AGO2: variants seen among roughly 807,000 people sequenced by gnomAD.
AGO2 encodes the protein protein argonaute-2.
AGO2 carries 5 observed loss-of-function variants against 102.3 expected under a neutral mutation model. That is an observed-to-expected ratio of 0.05 (90% CI 0.03 to 0.10). The LOEUF is 0.10. Among genes scored for constraint, AGO2 ranks in the 10% least tolerant of loss-of-function variants. The probability of loss-of-function intolerance (pLI) is 1.00; values close to 1 mark genes in which losing one functional copy is unlikely to be tolerated. For missense variants in AGO2, 541 were observed against 1,183.7 expected (o/e 0.46, Z 7.97); for synonymous variants, 449 against 473.1 (o/e 0.95, Z 0.66).
intron 1 of AGO2, among the ~76,000 whole-genome samples, chr8:140,608,233 T>C (rs1303906324): frequency 6.6e-6 from 1 of 152,194 alleles, no homozygotes; most frequent in Non-Finnish European, 1.5e-5. Context: ...CTTGGCACTT[T>C]TTACGCTGCC....
Position 140,560,353 on chromosome 8 carries a change from A to G in AGO2, c.655+21T>C, listed in dbSNP as rs375432482. ...CATGCCCAACCCTGCCCTGCAGTGAAGACCCCAGGGCGCTGCTTACCATCA... is the reference window on the plus strand; with the variant it reads ...CATGCCCAACCCTGCCCTGCAGTGAGGACCCCAGGGCGCTGCTTACCATCA... On this transcript the variant is annotated intron_variant, in intron 5 of 18. Transcript: ENST00000220592. 8 of 1,610,240 alleles carry G rather than the reference A, an allele frequency of 5.0e-6. No individual in the cohort carries two copies. In the African/African-American group the frequency reaches 1.1e-4, roughly 22 times the overall value.
At position 140,567,519 on chromosome 8, in the gene AGO2, C is replaced by T. The variant is rs1291606690; in HGVS notation, c.337-4885G>A. Among the ~76,000 whole-genome samples the T allele has an allele frequency of 6.6e-6, 1 of 152,240 alleles. No homozygotes were observed. The highest frequency in any genetic ancestry group is 1.5e-5 in the Non-Finnish European group (1 of 68,038). On this transcript the variant is annotated intron_variant, in intron 3 of 18. Transcript: ENST00000220592. The surrounding 1 kb of genome is among the most constrained non-coding windows in gnomAD (Gnocchi z 5.0). ...CAGGTGGCTCCGTTGGCTTCCTGCACACAAGGGGACAAGCAGGTGGCCCCG... is the reference window on the plus strand; with the variant it reads ...CAGGTGGCTCCGTTGGCTTCCTGCATACAAGGGGACAAGCAGGTGGCCCCG...
Position 140,573,006 on chromosome 8 carries a change from G to A in AGO2, c.216-74C>T, listed in dbSNP as rs535182882. ...TGGCATACAAGGACATTTTTCTGAC[G>A]CTATTTTTTTTTTTTTTTTTGAGAT... On this transcript the variant is annotated intron_variant, in intron 2 of 18. Transcript: ENST00000220592. The A allele has an allele frequency of 6.8e-5, 100 of 1,467,736 alleles. No individual in the cohort carries two copies. In the South Asian group the frequency reaches 9.8e-4, roughly 14 times the overall value. The allele number at this position is 1,467,736 out of a possible 1,614,324, so 90.9% of individuals were successfully genotyped here. A position where few individuals can be genotyped will look rare whatever the true frequency, so the allele number is the denominator to read the frequency against.
chr8:140,616,902 G>A (rs765379459), intron 1 of AGO2, among the ~76,000 whole-genome samples: 8 of 152,218 alleles, frequency 5.3e-5, no homozygotes, highest in East Asian at 1.9e-4. Context: ...CACTGACTGC[G>A]TCCAGCGGAG....
intron 1 of AGO2, among the ~76,000 whole-genome samples, chr8:140,633,472 C>T (rs1317374279): frequency 6.6e-6 from 1 of 152,174 alleles, no homozygotes; most frequent in Non-Finnish European, 1.5e-5. Flanking sequence ...CACACCAAGG[C>T]AACAATCTCC....
At chr8:140,636,963 G>C (rs1442143679), upstream of AGO2, 2 of 152,216 alleles carry the variant, frequency 1.3e-5, no homozygotes, top group Non-Finnish European at 2.9e-5. Flanking sequence ...ATTCTTTAGG[G>C]AAGCATCATT....
intron 3 of AGO2, among the ~76,000 whole-genome samples, chr8:140,562,992 G>T (rs964119774): frequency 6.6e-6 from 1 of 151,936 alleles, no homozygotes; most frequent in Non-Finnish European, 1.5e-5. Context: ...TGCACCTAAC[G>T]CCAGATCATG....
Position 140,531,981 on chromosome 8 carries a change from G to T in AGO2, c.*63C>A. On this transcript the variant is annotated 3_prime_UTR_variant, in exon 19 of 19. Transcript: ENST00000220592. Reference sequence around the variant, plus strand: ...GTCACGGAAGGGCTGGCCATCTGTTGGTCTGAGTGTAGCTGGTCTCGTGAA... The same window carrying T: ...GTCACGGAAGGGCTGGCCATCTGTTTGTCTGAGTGTAGCTGGTCTCGTGAA... 2 of 1,408,428 alleles carry T rather than the reference G, an allele frequency of 1.4e-6. No individual in the cohort carries two copies. The highest frequency in any genetic ancestry group is 2.0e-6 in the Non-Finnish European group (2 of 996,826). The allele number at this position is 1,408,428 out of a possible 1,614,324, so 87.2% of individuals were successfully genotyped here.
At chr8:140,618,392 G>C (rs2074170279) in intron 1 of AGO2, among the ~76,000 whole-genome samples, 1 of 152,056 alleles carries the variant, frequency 6.6e-6, no homozygotes, top group African/African-American at 2.4e-5. Context: ...GGGAGGCCAA[G>C]GCAGGAGAAA....
At chr8:140,576,303 G>A (rs185543061) in intron 2 of AGO2, among the ~76,000 whole-genome samples, 1 of 152,202 alleles carries the variant, frequency 6.6e-6, no homozygotes, top group South Asian at 2.1e-4. Context: ...ATGACAGAGT[G>A]AGACTCTATC....
chr8:140,570,644 C>T lies in AGO2; in HGVS notation c.336+2168G>A, dbSNP rs972447663. ...ACCCAGGACCGTGGGGCACAGGCAC[C>T]GGACGGGGATGTACATGCTCACTGA... On this transcript the variant is annotated intron_variant, in intron 3 of 18. Coordinates refer to ENST00000220592, the MANE Select transcript of AGO2 (RefSeq NM_012154.5). Among the ~76,000 whole-genome samples the T allele has an allele frequency of 3.9e-5, 6 of 152,250 alleles. No homozygotes were observed. In the East Asian group the frequency reaches 5.8e-4, roughly 15 times the overall value.
intron 7 of AGO2, among the ~76,000 whole-genome samples, chr8:140,558,247 G>A (rs1284359051): frequency 1.3e-5 from 2 of 152,214 alleles, no homozygotes; most frequent in Non-Finnish European, 2.9e-5. Flanking sequence ...GGAAGGAAGA[G>A]GGAGAGAGAG....
At chr8:140,536,466 A>G (rs2072699415) in intron 16 of AGO2, among the ~76,000 whole-genome samples, 1 of 151,970 alleles carries the variant, frequency 6.6e-6, no homozygotes, top group African/African-American at 2.4e-5. Context: ...GGCTGGGACT[A>G]CAGGCATGTG....
chr8:140,563,734 T>C (rs2073238275), intron 3 of AGO2, among the ~76,000 whole-genome samples: 2 of 152,226 alleles, frequency 1.3e-5, no homozygotes, highest in Non-Finnish European at 2.9e-5. Context: ...TCTGTGCACC[T>C]GAGGTGCCCT....
chr8:140,619,090 C>T (rs115402781), intron 1 of AGO2, among the ~76,000 whole-genome samples: 5 of 152,058 alleles, frequency 3.3e-5, no homozygotes, highest in East Asian at 1.9e-4. Context: ...GTGGCAGCCG[C>T]GGCCTTATCT....
chr8:140,590,454 C>T (rs773310633), intron 1 of AGO2, among the ~76,000 whole-genome samples: 6 of 151,858 alleles, frequency 4.0e-5, no homozygotes, highest in Non-Finnish European at 8.8e-5. Context: ...CCACAGAACC[C>T]ATCCAAATAC....
chr8:140,546,699 T>A (rs1198329878), intron 13 of AGO2, among the ~76,000 whole-genome samples: 1 of 152,240 alleles, frequency 6.6e-6, no homozygotes, highest in Non-Finnish European at 1.5e-5. Flanking sequence ...AGTTCCCTCC[T>A]GCCCAAACGC....
At position 140,521,571 on chromosome 8, in the gene AGO2, A is replaced by G. The variant is rs918500042; in HGVS notation, c.*10473T>C. The G allele has an allele frequency of 2.0e-5, 3 of 152,264 alleles. No homozygotes were observed. Among genetic ancestry groups the G allele is most frequent in the Non-Finnish European group, 4.4e-5 (3 of 68,042 alleles). 9.4% of individuals were successfully genotyped at this position (152,264 alleles called of 1,614,324 possible). A position where few individuals can be genotyped will look rare whatever the true frequency, so the allele number is the denominator to read the frequency against. ...AGTAAAAAAAGATCGCCATAGTAGGAAAAGTCTAGAATTGTAAACTGCCAA... is the reference window on the plus strand; with the variant it reads ...AGTAAAAAAAGATCGCCATAGTAGGGAAAGTCTAGAATTGTAAACTGCCAA... On this transcript the variant is annotated 3_prime_UTR_variant, in exon 19 of 19. Coordinates refer to ENST00000220592, the MANE Select transcript of AGO2 (RefSeq NM_012154.5).
intron 18 of AGO2, 34 bp from the exon 19 acceptor site, chr8:140,532,186 T>C: frequency 5.0e-6 from 8 of 1,591,220 alleles, no homozygotes; most frequent in Non-Finnish European, 6.9e-6. Context: ...AATGAGAATG[T>C]GCAGCCTTAA....
Sources: allele counts gnomAD v4.1 joint callset (sites outside exome capture counted in the v4.1 genomes callset), GRCh38; gene constraint gnomAD v4.1.1; non-coding constraint Gnocchi (gnomAD v3.1); transcripts MANE v1.5; gene names NCBI Gene and HGNC (gene_info 2026-07-23, HGNC 2026-07-21).